The following VPS13B variants were observed in gnomAD, a reference collection of about 807,000 sequenced individuals.
The protein encoded by VPS13B is vacuolar protein sorting 13 homolog B.
In VPS13B, 285 loss-of-function variants were observed where a neutral mutation model predicts 426.4. The ratio of observed to expected loss-of-function variants is 0.67; its 90% CI spans 0.61 to 0.74. The LOEUF is 0.74. VPS13B is among the 30% of genes least tolerant of loss of function. VPS13B has a pLI of 0.00. For synonymous variants in VPS13B, 1,676 were observed against 1,676.4 expected (o/e 1.00, Z 0.01); for missense variants, 4,537 against 4,782.6 (o/e 0.95, Z 1.51).
intron 12 of VPS13B, among the ~76,000 whole-genome samples, chr8:99,138,846 T>C (rs1810227422): frequency 6.6e-6 from 1 of 152,222 alleles, no homozygotes; most frequent in Non-Finnish European, 1.5e-5. Context: ...TTCCATGTCT[T>C]GTGAGGAGGT....
At chr8:99,573,368 C>G in intron 31 of VPS13B, among the ~76,000 whole-genome samples, 1 of 152,148 alleles carries the variant, frequency 6.6e-6, no homozygotes, top group Non-Finnish European at 1.5e-5. Flanking sequence ...ACATGAAGTC[C>G]TTGCCCATGC....
intron 33 of VPS13B, among the ~76,000 whole-genome samples, chr8:99,632,896 G>A (rs1228075303): frequency 6.6e-6 from 1 of 151,904 alleles, no homozygotes; most frequent in East Asian, 1.9e-4. Context: ...AATTAGTTAG[G>A]TAGTAGAGAA....
At chr8:99,029,197 G>A (rs1234936269) in intron 2 of VPS13B, among the ~76,000 whole-genome samples, 2 of 150,308 alleles carry the variant, frequency 1.3e-5, no homozygotes, top group African/African-American at 4.9e-5. Flanking sequence ...GGGCAGAAAC[G>A]CTCCTCACTT....
chr8:99,034,570 A>G (rs1587942766), intron 2 of VPS13B, among the ~76,000 whole-genome samples: 1 of 152,272 alleles, frequency 6.6e-6, no homozygotes, highest in South Asian at 2.1e-4. Flanking sequence ...AGTAAGTACT[A>G]TCTTGCACAT....
intron 27 of VPS13B, among the ~76,000 whole-genome samples, chr8:99,503,731 C>T (rs1327807542): frequency 6.6e-6 from 1 of 152,188 alleles, no homozygotes; most frequent in Non-Finnish European, 1.5e-5. Flanking sequence ...CTTTAGGCTC[C>T]ACTCCTAATT....
chr8:99,110,230 A>G (rs927325804), intron 5 of VPS13B, among the ~76,000 whole-genome samples: 1 of 152,190 alleles, frequency 6.6e-6, no homozygotes, highest in Non-Finnish European at 1.5e-5. Context: ...AACCTGAACT[A>G]AAACACATTT....
At chr8:99,063,364 C>T (rs1209520611) in intron 3 of VPS13B, among the ~76,000 whole-genome samples, 1 of 152,234 alleles carries the variant, frequency 6.6e-6, no homozygotes, top group Non-Finnish European at 1.5e-5. Flanking sequence ...GACACTCCTG[C>T]CCAAATACTG....
chr8:99,378,134 GCCC>G lies in VPS13B; in HGVS notation c.2825-6064_2825-6062del, dbSNP rs57177303. Among the ~76,000 whole-genome samples, 85 of 70,486 alleles carry G rather than the reference GCCC, an allele frequency of 1.2e-3. 9 individuals are homozygous for G. The highest frequency in any genetic ancestry group is 4.9e-3 in the African/African-American group (82 of 16,870). 46.2% of individuals were successfully genotyped at this position (70,486 alleles called of 152,430 possible). On this transcript the variant is annotated intron_variant, in intron 19 of 61. Coordinates refer to ENST00000357162, the MANE Select transcript of VPS13B (RefSeq NM_152564.5). ...ACACCCCCAGAGCGGCCATTTTAGA[GCCC>G]CCCCCCCCCGGAATGCATTCTTTTC...
At chr8:99,730,666 G>A (rs1833557950) in intron 39 of VPS13B, among the ~76,000 whole-genome samples, 1 of 151,468 alleles carries the variant, frequency 6.6e-6, no homozygotes, top group East Asian at 1.9e-4. Flanking sequence ...CTTCTCTCCT[G>A]AAAGGTACCT....
chr8:99,455,972 T>C (rs191550313), intron 23 of VPS13B, among the ~76,000 whole-genome samples: 285 of 152,344 alleles, frequency 1.9e-3, no homozygotes, highest in Middle Eastern at 0.01. Context: ...TGATAGAGTC[T>C]TTAGAGTGGA....
intron 17 of VPS13B, among the ~76,000 whole-genome samples, chr8:99,258,387 GA>G (rs1397646087): frequency 6.6e-6 from 1 of 151,388 alleles, no homozygotes; most frequent in Non-Finnish European, 1.5e-5. Flanking sequence ...AAATTTTAGA[GA>G]AAAAAATCAC....
intron 29 of VPS13B, among the ~76,000 whole-genome samples, chr8:99,515,027 A>G (rs1821982693): frequency 6.6e-6 from 1 of 152,226 alleles, no homozygotes; most frequent in African/African-American, 2.4e-5. Flanking sequence ...GGTGAGGCAG[A>G]GGTCTGAAGT....
intron 43 of VPS13B, among the ~76,000 whole-genome samples, chr8:99,790,003 C>G (rs1563918269): frequency 1.3e-5 from 2 of 151,824 alleles, no homozygotes; most frequent in African/African-American, 2.4e-5. Context: ...TTAAGCACCC[C>G]CACACACACA....
At chr8:99,532,039 G>GT (rs558353164) in intron 30 of VPS13B, among the ~76,000 whole-genome samples, 32 of 151,696 alleles carry the variant, frequency 2.1e-4, no homozygotes, top group African/African-American at 7.3e-4. Flanking sequence ...TAATTAAAAA[G>GT]TTTTTTTTAA....
chr8:99,431,436 A>G (rs1280654714), intron 21 of VPS13B, 101 bp from the exon 22 acceptor site: 1 of 1,422,182 alleles, frequency 7.0e-7, no homozygotes, highest in African/African-American at 1.4e-5. Flanking sequence ...AAAAATTATA[A>G]TTTTAAGCAA....
At chr8:99,371,273 C>A (rs906506214) in intron 19 of VPS13B, among the ~76,000 whole-genome samples, 4 of 152,110 alleles carry the variant, frequency 2.6e-5, no homozygotes, top group African/African-American at 9.7e-5. Context: ...ATTTCCTTAG[C>A]ATAGATTTCT....
intron 19 of VPS13B, among the ~76,000 whole-genome samples, chr8:99,374,541 TATA>T (rs960236062): frequency 2.8e-4 from 43 of 152,266 alleles, no homozygotes; most frequent in African/African-American, 1.0e-3. Flanking sequence ...TTCCTCTTTT[TATA>T]ATGAGTCATT....
At chr8:99,022,227 CT>C (rs1350502066) in intron 2 of VPS13B, among the ~76,000 whole-genome samples, 1 of 150,030 alleles carries the variant, frequency 6.7e-6, no homozygotes, top group Non-Finnish European at 1.5e-5. Context: ...TTTTTTCAGT[CT>C]TTTTCTACTC....
intron 44 of VPS13B, among the ~76,000 whole-genome samples, chr8:99,814,798 A>G (rs2130802798): frequency 6.6e-6 from 1 of 152,274 alleles, no homozygotes; most frequent in Admixed American, 6.5e-5. Context: ...GAGAACAGCT[A>G]TTGGGAAGAG....
Sources: gnomAD v4.1 joint callset for allele counts (sites outside exome capture counted in the v4.1 genomes callset) on GRCh38, gnomAD v4.1.1 for gene constraint, MANE v1.5 for transcripts, NCBI Gene and HGNC (gene_info 2026-07-23, HGNC 2026-07-21) for gene names.